The following WDR27 variants were observed in gnomAD, a reference collection of about 807,000 sequenced individuals.
The protein encoded by WDR27 is WD repeat-containing protein 27.
WDR27 carries 100 observed loss-of-function variants against 114.4 expected under a neutral mutation model. That is an observed-to-expected ratio of 0.87 (90% CI 0.74 to 1.03). WDR27 has a LOEUF of 1.03. Among genes scored for constraint, WDR27 ranks in the 50% least tolerant of loss-of-function variants. The pLI, the probability that WDR27 is intolerant of heterozygous loss-of-function variation, is 0.00. For synonymous variants in WDR27, 449 were observed against 423.1 expected (o/e 1.06, Z -0.75); for missense variants, 1,129 against 1,092.9 (o/e 1.03, Z -0.47).
At chr6:169,562,520 C>A (rs2128116318) in intron 25 of WDR27, among the ~76,000 whole-genome samples, 1 of 152,172 alleles carries the variant, frequency 6.6e-6, no homozygotes, top group African/African-American at 2.4e-5. Flanking sequence ...AGAGCACCTA[C>A]AGCTGTGTCA....
chr6:169,603,911 A>G (rs1808577591), intron 22 of WDR27, among the ~76,000 whole-genome samples: 1 of 152,254 alleles, frequency 6.6e-6, no homozygotes, highest in Non-Finnish European at 1.5e-5. Flanking sequence ...TTTGAAATGA[A>G]TGAAGGTGAT....
chr6:169,467,588 C>A (rs1235081161), intron 25 of WDR27, among the ~76,000 whole-genome samples: 1 of 152,232 alleles, frequency 6.6e-6, no homozygotes, highest in Non-Finnish European at 1.5e-5. Context: ...ATGTTGGCCC[C>A]TTTTAGCCAC....
chr6:169,484,658 C>A (rs1328026008), intron 25 of WDR27, among the ~76,000 whole-genome samples: 1 of 152,094 alleles, frequency 6.6e-6, no homozygotes, highest in East Asian at 1.9e-4. Flanking sequence ...CTTCACACAA[C>A]TGGAAAAAAA....
chr6:169,650,102 T>A (rs1214849154), intron 14 of WDR27, among the ~76,000 whole-genome samples: 29 of 115,702 alleles, frequency 2.5e-4, no homozygotes, highest in South Asian at 9.9e-4. Context: ...GCATCCCTCC[T>A]TCCCCTCCAT....
chr6:169,609,053 C>T (rs965390796), intron 22 of WDR27, among the ~76,000 whole-genome samples: 2 of 152,234 alleles, frequency 1.3e-5, no homozygotes, highest in African/African-American at 4.8e-5. Flanking sequence ...TCAAGTCTCA[C>T]ATCCAGGTCA....
intron 25 of WDR27, among the ~76,000 whole-genome samples, chr6:169,548,071 C>T (rs1020108154): frequency 6.6e-6 from 1 of 152,142 alleles, no homozygotes; most frequent in African/African-American, 2.4e-5. Context: ...AAATTAAAAA[C>T]ACAATATCAT....
At chr6:169,695,398 C>T (rs1198730881) in intron 1 of WDR27, among the ~76,000 whole-genome samples, 1 of 152,156 alleles carries the variant, frequency 6.6e-6, no homozygotes, top group Non-Finnish European at 1.5e-5. Context: ...GTTTTGGATA[C>T]GTTATGTCAA....
Position 169,649,596 on chromosome 6 carries a change from C to T in WDR27, c.1482-321G>A, listed in dbSNP as rs989449606. Reference sequence around the variant, plus strand: ...CAGGGCCACCAATGTCTATCAACCCCTCATCCCCCGGGGCTCCCACACAAA... The same window carrying T: ...CAGGGCCACCAATGTCTATCAACCCTTCATCCCCCGGGGCTCCCACACAAA... On this transcript the variant is annotated intron_variant, in intron 14 of 25. Transcript: ENST00000448612. Among the ~76,000 whole-genome samples the T allele has an allele frequency of 6.6e-5, 10 of 152,008 alleles. No individual in the cohort carries two copies. In the South Asian group the frequency reaches 1.2e-3, roughly 19 times the overall value.
At chr6:169,452,524 A>T (rs193198890), downstream of WDR27, among the ~76,000 whole-genome samples, 6 of 65,172 alleles carry the variant, frequency 9.2e-5, no homozygotes, top group East Asian at 1.8e-3. Context: ...GCGTGGGGTC[A>T]GAGAGGAGCC....
chr6:169,427,961 G>A, the WDR27 span, among the ~76,000 whole-genome samples: 1 of 152,156 alleles, frequency 6.6e-6, no homozygotes, highest in East Asian at 1.9e-4. Context: ...CTTTCAGCGG[G>A]AGGGGAGGAG....
intron 2 of WDR27, among the ~76,000 whole-genome samples, chr6:169,681,410 A>G (rs150520166): frequency 6.6e-6 from 1 of 152,298 alleles, no homozygotes; most frequent in Non-Finnish European, 1.5e-5. Flanking sequence ...AAGTTGTGAA[A>G]CCCCAGCAGA....
intron 21 of WDR27, among the ~76,000 whole-genome samples, chr6:169,623,392 T>G (rs2494684): frequency 0.97 from 147,284 of 152,280 alleles, 71,258 homozygotes; most frequent in African/African-American, 0.99. Context: ...CATACAGCCG[T>G]CTCTGTGTGA....
Position 169,665,543 on chromosome 6 carries a change from G to A in WDR27, c.726C>T (p.Leu242=), listed in dbSNP as rs781637744. The A allele has an allele frequency of 3.1e-6, 5 of 1,613,764 alleles. No homozygotes were observed. The highest frequency in any genetic ancestry group is 2.2e-5 in the East Asian group (1 of 44,888). The change falls in exon 7 of 26, where the codon CTC becomes CTT. Residue 242 remains leucine, a synonymous_variant. Coordinates refer to ENST00000448612, the MANE Select transcript of WDR27 (RefSeq NM_182552.5). The part of the protein sequence containing the change: ...SSSVLSAYPL[L]SLFIDAESRQ... ...TGCTTTCTGCATCAATGAATAAACT[G>A]AGAAGAGGATATGCTGGTGAAAGGA...
At chr6:169,586,525 T>C (rs1192452901) in intron 23 of WDR27, among the ~76,000 whole-genome samples, 1 of 152,136 alleles carries the variant, frequency 6.6e-6, no homozygotes, top group African/African-American at 2.4e-5. Context: ...CATTGGGTTC[T>C]GGGTGGCCAG....
At chr6:169,572,030 T>C (rs2128128063) in intron 25 of WDR27, among the ~76,000 whole-genome samples, 1 of 152,292 alleles carries the variant, frequency 6.6e-6, no homozygotes, top group African/African-American at 2.4e-5. Context: ...CACAGATCTC[T>C]GGAGGAAAAA....
chr6:169,615,962 A>AC (rs913773957), intron 21 of WDR27, among the ~76,000 whole-genome samples: 34 of 151,918 alleles, frequency 2.2e-4, no homozygotes, highest in African/African-American at 6.3e-4. Flanking sequence ...TAATAAAAAA[A>AC]AAAAAGTCAA....
intron 1 of WDR27, among the ~76,000 whole-genome samples, chr6:169,696,955 A>G (rs1048748255): frequency 1.3e-5 from 2 of 152,118 alleles, no homozygotes; most frequent in Non-Finnish European, 2.9e-5. Flanking sequence ...CTATCTCCTG[A>G]CACCCAACGT....
chr6:169,503,774 C>T (rs1373952729), intron 25 of WDR27, among the ~76,000 whole-genome samples: 2 of 151,938 alleles, frequency 1.3e-5, no homozygotes, highest in African/African-American at 4.8e-5. Flanking sequence ...GTCATTAATA[C>T]ATCCTTTTCT....
intron 21 of WDR27, among the ~76,000 whole-genome samples, chr6:169,621,496 A>G (rs1414915713): frequency 6.6e-6 from 1 of 152,154 alleles, no homozygotes; most frequent in Non-Finnish European, 1.5e-5. Context: ...ACACATATAC[A>G]TACCCACACA....
Sources: allele counts gnomAD v4.1 joint callset (sites outside exome capture counted in the v4.1 genomes callset), GRCh38; gene constraint gnomAD v4.1.1; transcripts MANE v1.5; gene names NCBI Gene and HGNC (gene_info 2026-07-23, HGNC 2026-07-21).